PLCG2: variants seen among roughly 807,000 people sequenced by gnomAD.
The protein encoded by PLCG2 is 1-phosphatidylinositol 4,5-bisphosphate phosphodiesterase gamma-2.
In PLCG2, 69 loss-of-function variants were observed where a neutral mutation model predicts 175.6. The observed-to-expected ratio is 0.39, with a 90% CI of 0.32 to 0.48. PLCG2 has a LOEUF of 0.48. Ranked by LOEUF, PLCG2 falls within the 20% of genes least tolerant of loss-of-function variation. The probability of loss-of-function intolerance (pLI) is 0.91; values close to 1 mark genes in which losing one functional copy is unlikely to be tolerated. For synonymous variants in PLCG2, 827 were observed against 624.0 expected (o/e 1.33, Z -4.85); for missense variants, 1,798 against 1,650.9 (o/e 1.09, Z -1.54).
chr16:81,757,185 A>T (rs1430237136), intron 2 of PLCG2, among the ~76,000 whole-genome samples: 6 of 152,182 alleles, frequency 3.9e-5, no homozygotes, highest in Non-Finnish European at 8.8e-5. Flanking sequence ...CCACCCACTC[A>T]TCCACCCATC....
At chr16:81,954,172 C>A (rs1911474619) in intron 31 of PLCG2, among the ~76,000 whole-genome samples, 1 of 151,970 alleles carries the variant, frequency 6.6e-6, no homozygotes, top group Admixed American at 6.6e-5. Context: ...ACAGGGTATG[C>A]CACCATGCCT....
At chr16:81,741,556 T>C (rs1909594740) in intron 1 of PLCG2, among the ~76,000 whole-genome samples, 1 of 152,192 alleles carries the variant, frequency 6.6e-6, no homozygotes, top group South Asian at 2.1e-4. Flanking sequence ...ACACCTTTGA[T>C]CCCAGCCCTT....
intron 2 of PLCG2, among the ~76,000 whole-genome samples, chr16:81,840,995 A>T (rs544061628): frequency 6.6e-6 from 1 of 152,070 alleles, no homozygotes; most frequent in Non-Finnish European, 1.5e-5. Flanking sequence ...ACTCTTATCT[A>T]TTGAATAGTT....
chr16:81,929,316 C>G (rs34142641), intron 24 of PLCG2, among the ~76,000 whole-genome samples: 51,641 of 152,160 alleles, frequency 0.34, 9,774 homozygotes, highest in African/African-American at 0.51. Context: ...CACGGGCATG[C>G]TCCCCTAGGA....
At chr16:81,803,918 G>C (rs1210664519) in intron 2 of PLCG2, among the ~76,000 whole-genome samples, 1 of 152,170 alleles carries the variant, frequency 6.6e-6, no homozygotes, top group Non-Finnish European at 1.5e-5. Context: ...CTGGCCTCAA[G>C]TGATCCACCT....
At chr16:81,829,836 G>T (rs1252394582) in intron 2 of PLCG2, among the ~76,000 whole-genome samples, 1 of 152,046 alleles carries the variant, frequency 6.6e-6, no homozygotes, top group Non-Finnish European at 1.5e-5. Context: ...TGCTGTGGTA[G>T]CTGTGGATGG....
chr16:81,756,190 C>T (rs368940865), intron 2 of PLCG2, among the ~76,000 whole-genome samples: 53 of 152,342 alleles, frequency 3.5e-4, no homozygotes, highest in African/African-American at 1.2e-3. Flanking sequence ...CAGGAACCGT[C>T]GGGGAGGCCC....
At chr16:81,785,272 C>T (rs1037260524) in intron 1 of PLCG2, among the ~76,000 whole-genome samples, 5 of 152,106 alleles carry the variant, frequency 3.3e-5, no homozygotes, top group African/African-American at 9.7e-5. Context: ...TTTGCTGGGG[C>T]ATTTCTGAAC....
chr16:81,802,983 C>T (rs993654121), intron 2 of PLCG2, among the ~76,000 whole-genome samples: 1 of 152,124 alleles, frequency 6.6e-6, no homozygotes, highest in Non-Finnish European at 1.5e-5. Context: ...TAATTTCCCC[C>T]AAATCCTATA....
At chr16:81,744,388 C>A (rs928597793) in intron 1 of PLCG2, among the ~76,000 whole-genome samples, 2 of 152,090 alleles carry the variant, frequency 1.3e-5, no homozygotes, top group African/African-American at 2.4e-5. Flanking sequence ...TGGTCTCAAT[C>A]TCCTGACCTC....
At chr16:81,841,958 A>G (rs1210481619) in intron 2 of PLCG2, among the ~76,000 whole-genome samples, 1 of 152,240 alleles carries the variant, frequency 6.6e-6, no homozygotes, top group African/African-American at 2.4e-5. Flanking sequence ...GTGGTACAGA[A>G]AACCATTCAG....
intron 15 of PLCG2, among the ~76,000 whole-genome samples, chr16:81,906,987 G>A (rs1909398133): frequency 1.4e-5 from 2 of 147,020 alleles, no homozygotes; most frequent in African/African-American, 5.0e-5. Context: ...TCAGTGAGCT[G>A]AGATTGAGCC....
intron 9 of PLCG2, among the ~76,000 whole-genome samples, chr16:81,885,707 G>A (rs1008255907): frequency 6.6e-6 from 1 of 151,960 alleles, no homozygotes; most frequent in Non-Finnish European, 1.5e-5. Context: ...CCGATACCCA[G>A]CCTGCATTTG....
rs187263160 is a variant in PLCG2, at chr16:81,853,673, A to G, written c.194-771A>G. On this transcript the variant is annotated intron_variant, in intron 2 of 32. Transcript: ENST00000564138. ...AGTGCTTACTTGCCGGTACCAGTCC[A>G]TGGCCTGGGGGTTGGGGAATCCCTG... Among the ~76,000 whole-genome samples, 11 of 152,272 alleles carry G rather than the reference A, an allele frequency of 7.2e-5. No individual in the cohort carries two copies. In the East Asian group the frequency reaches 1.5e-3, roughly 21 times the overall value.
chr16:81,771,873 T>C (rs1266604131), intron 2 of PLCG2, among the ~76,000 whole-genome samples: 1 of 152,160 alleles, frequency 6.6e-6, no homozygotes, highest in Non-Finnish European at 1.5e-5. Context: ...AACCTCCACC[T>C]CCTGGGCTCA....
intron 7 of PLCG2, among the ~76,000 whole-genome samples, chr16:81,877,793 A>G (rs544287594): frequency 1.3e-5 from 2 of 150,426 alleles, no homozygotes; most frequent in Admixed American, 1.3e-4. Context: ...CTTGGCTTGT[A>G]GATGTCATTG....
chr16:81,768,713 C>T (rs1012266741), intron 2 of PLCG2, among the ~76,000 whole-genome samples: 6 of 151,860 alleles, frequency 4.0e-5, no homozygotes, highest in African/African-American at 1.5e-4. Context: ...TTACAGGTTT[C>T]CCCCACCATA....
In PLCG2 at chr16:81,960,803, T is replaced by G. The variant is rs532078952; in HGVS notation, c.*2805T>G. ...AGTGGCCTTTAGATTAAGCTAGCCTTACCCCTGGGAGTATACCAGAGCTTT... is the reference window on the plus strand; with the variant it reads ...AGTGGCCTTTAGATTAAGCTAGCCTGACCCCTGGGAGTATACCAGAGCTTT... On this transcript the variant is annotated 3_prime_UTR_variant, in exon 33 of 33. Transcript: ENST00000564138. 36 of 229,464 alleles carry G rather than the reference T, an allele frequency of 1.6e-4. 1 individual carries two copies. The South Asian group carries it at 5.8e-3, about 37-fold the overall frequency. The allele number at this position is 229,464 out of a possible 1,614,324, so 14.2% of individuals were successfully genotyped here. A position where few individuals can be genotyped will look rare whatever the true frequency, so the allele number is the denominator to read the frequency against.
At chr16:81,904,007 C>G (rs936235410) in intron 14 of PLCG2, among the ~76,000 whole-genome samples, 2 of 152,168 alleles carry the variant, frequency 1.3e-5, no homozygotes, top group African/African-American at 4.8e-5. Context: ...CACTGCAGGA[C>G]GAATAACCTC....
Sources: gnomAD v4.1 joint callset for allele counts (sites outside exome capture counted in the v4.1 genomes callset) on GRCh38, gnomAD v4.1.1 for gene constraint, MANE v1.5 for transcripts, NCBI Gene and HGNC (gene_info 2026-07-23, HGNC 2026-07-21) for gene names.